SPTA1: variants seen among roughly 807,000 people sequenced by gnomAD.
The protein encoded by SPTA1 is spectrin alpha, erythrocytic 1.
SPTA1 carries 177 observed loss-of-function variants against 324.7 expected under a neutral mutation model. The observed-to-expected ratio is 0.55, with a 90% CI of 0.48 to 0.62. The LOEUF is 0.62. Among genes scored for constraint, SPTA1 ranks in the 20% least tolerant of loss-of-function variants. The probability of loss-of-function intolerance (pLI) is 0.00; values close to 1 mark genes in which losing one functional copy is unlikely to be tolerated. For synonymous variants in SPTA1, 1,195 were observed against 1,041.3 expected, an observed-to-expected ratio of 1.15 and a Z score of -2.84; for missense variants, 3,162 against 2,883.6, an observed-to-expected ratio of 1.10 and a Z score of -2.21.
intron 48 of SPTA1, 43 bp from the exon 49 acceptor site, chr1:158,614,349 A>G (rs1649434278): frequency 7.2e-7 from 1 of 1,390,514 alleles, no homozygotes; most frequent in East Asian, 2.3e-5. Context: ...TGTATATGAA[A>G]CACAGGTTAG....
intron 28 of SPTA1, 52 bp from the exon 29 acceptor site, chr1:158,645,437 T>G: frequency 1.2e-6 from 2 of 1,613,916 alleles, no homozygotes; most frequent in Non-Finnish European, 1.7e-6. Context: ...TTGGAAATTT[T>G]AAAATTAGTA....
At chr1:158,652,339 C>T (rs1251672790) in intron 23 of SPTA1, 128 bp downstream of exon 23, 2 of 1,071,596 alleles carry the variant, frequency 1.9e-6, no homozygotes, top group Middle Eastern at 2.1e-4. Context: ...AGATCTCAGC[C>T]ACAGAGTTGC....
chr1:158,637,500 T>C (rs569354878), intron 36 of SPTA1, among the ~76,000 whole-genome samples: 60 of 152,192 alleles, frequency 3.9e-4, no homozygotes, highest in African/African-American at 1.4e-3. Context: ...GAAACCTTGG[T>C]AGATACTTTG....
chr1:158,654,089 G>A (rs559128971), intron 21 of SPTA1, among the ~76,000 whole-genome samples: 11 of 152,082 alleles, frequency 7.2e-5, no homozygotes, highest in Admixed American at 2.6e-4. Context: ...AGATTAATTA[G>A]GTATCAGAGT....
chr1:158,665,849 T>C (rs1653555568), intron 16 of SPTA1, among the ~76,000 whole-genome samples: 1 of 150,300 alleles, frequency 6.7e-6, no homozygotes, highest in South Asian at 2.2e-4. Context: ...TAGGTGAGGA[T>C]AGTGAAGATA....
chr1:158,680,120 T>C (rs1038392700), intron 5 of SPTA1, among the ~76,000 whole-genome samples: 1 of 152,172 alleles, frequency 6.6e-6, no homozygotes, highest in Non-Finnish European at 1.5e-5. Flanking sequence ...AACCGCTTCC[T>C]TTCCTTCCTC....
At chr1:158,665,557 A>G (rs1653533805) in intron 16 of SPTA1, among the ~76,000 whole-genome samples, 1 of 152,176 alleles carries the variant, frequency 6.6e-6, no homozygotes, top group African/African-American at 2.4e-5. Context: ...CCCAAACCTC[A>G]CATAGAATAT....
chr1:158,626,095 A>G (rs1216667182), intron 42 of SPTA1, 51 bp downstream of exon 42: 2 of 1,501,390 alleles, frequency 1.3e-6, no homozygotes, highest in East Asian at 4.5e-5. Flanking sequence ...ATGGAGGATG[A>G]GCTTCTGTGT....
At chr1:158,674,701 AG>A (rs751882092) in intron 8 of SPTA1, 26 bp from the exon 9 acceptor site, 14 of 1,612,464 alleles carry the variant, frequency 8.7e-6, no homozygotes, top group Non-Finnish European at 1.2e-5. Context: ...GGTAAAAGAC[AG>A]GAAGGAGAAA....
intron 18 of SPTA1, among the ~76,000 whole-genome samples, chr1:158,658,716 T>C (rs1424449207): frequency 6.6e-6 from 1 of 151,844 alleles, no homozygotes; most frequent in Admixed American, 6.6e-5. Context: ...TTAATACCAG[T>C]GATAAAGAGA....
At position 158,668,091 on chromosome 1, in the gene SPTA1, AC is replaced by A. The variant is rs751813119; in HGVS notation, c.1834-30del. 4.0e-5 allele frequency: 58 copies of A among 1,439,534 alleles called. No homozygotes were observed. In the East Asian group the frequency reaches 1.1e-3, roughly 28 times the overall value. 89.2% of individuals were successfully genotyped at this position (1,439,534 alleles called of 1,614,324 possible). A position where few individuals can be genotyped will look rare whatever the true frequency, so the allele number is the denominator to read the frequency against. On this transcript the variant is annotated intron_variant, in intron 14 of 51. Transcript: ENST00000643759. ...AGATAAGATGAAAAAAAAAAAAAAAACCATTACCTGAAGAATGAGGGACAGA... is the reference window on the plus strand; with the variant it reads ...AGATAAGATGAAAAAAAAAAAAAAAACATTACCTGAAGAATGAGGGACAGA...
At chr1:158,625,907 C>A (rs1650235545) in intron 42 of SPTA1, among the ~76,000 whole-genome samples, 1 of 149,630 alleles carries the variant, frequency 6.7e-6, no homozygotes, top group Non-Finnish European at 1.5e-5. Flanking sequence ...ACACAAAAAC[C>A]CAGAGAAAAA....
rs765790863 is a variant in SPTA1 at position 158,615,319 on chromosome 1, G to A, written c.6685C>T (p.Leu2229Phe). 2 of 1,613,936 alleles carry A rather than the reference G, an allele frequency of 1.2e-6. No individual in the cohort carries two copies. The highest frequency in any genetic ancestry group is 1.7e-6 in the Non-Finnish European group (2 of 1,180,028). The change falls in exon 48 of 52, where the codon CTT becomes TTT. Residue 2229 changes from leucine to phenylalanine, a missense_variant. Leu to Phe is a conservative substitution (Grantham distance 22). Coordinates refer to ENST00000643759, the MANE Select transcript of SPTA1 (RefSeq NM_003126.4). ...CCAATGGTGCTGTATTTGATATCAA[G>A]GATCAGAGCGTCTTCCAAGTTGTCC... ...LGDNLEDALI[L>F]DIKYSTIGLA...
At chr1:158,615,174 C>G in intron 48 of SPTA1, 42 bp downstream of exon 48, 1 of 1,611,154 alleles carries the variant, frequency 6.2e-7, no homozygotes, top group Non-Finnish European at 8.5e-7. Flanking sequence ...ACACCTAACA[C>G]CACCTGCATC....
intron 16 of SPTA1, among the ~76,000 whole-genome samples, chr1:158,665,405 A>G (rs7554084): frequency 0.078 from 11,675 of 148,918 alleles, 1,536 homozygotes; most frequent in African/African-American, 0.27. Flanking sequence ...CAGAGTGACC[A>G]TAGAGTAGGC....
intron 44 of SPTA1, 27 bp from the exon 45 acceptor site, chr1:158,619,361 G>C (rs758416651): frequency 1.1e-5 from 17 of 1,608,828 alleles, no homozygotes; most frequent in Non-Finnish European, 1.4e-5. Flanking sequence ...CAGACAACGT[G>C]ACTGACATCG....
intron 38 of SPTA1, 46 bp downstream of exon 38, chr1:158,635,867 T>C: frequency 6.2e-7 from 1 of 1,613,884 alleles, no homozygotes; most frequent in Non-Finnish European, 8.5e-7. Flanking sequence ...ACCTGCCCAA[T>C]ATCCAAAATC....
intron 39 of SPTA1, among the ~76,000 whole-genome samples, chr1:158,632,981 G>C (rs1301125989): frequency 6.6e-6 from 1 of 152,150 alleles, no homozygotes; most frequent in African/African-American, 2.4e-5. Flanking sequence ...CCACGACACT[G>C]CTCAGAAATA....
At chr1:158,675,349 C>A (rs892016673) in intron 8 of SPTA1, among the ~76,000 whole-genome samples, 1 of 152,072 alleles carries the variant, frequency 6.6e-6, no homozygotes, top group African/African-American at 2.4e-5. Context: ...AGTTCCTTAT[C>A]TAGAGTCAGA....
Sources: gnomAD v4.1 joint callset for allele counts (sites outside exome capture counted in the v4.1 genomes callset) on GRCh38, gnomAD v4.1.1 for gene constraint, MANE v1.5 for transcripts, NCBI Gene and HGNC (gene_info 2026-07-23, HGNC 2026-07-21) for gene names.